MAPK6: variants seen among roughly 807,000 people sequenced by gnomAD.
MAPK6 encodes the protein ERK-3.
MAPK6 carries 19 observed loss-of-function variants against 59.3 expected under a neutral mutation model. The observed-to-expected ratio is 0.32, with a 90% confidence interval of 0.22 to 0.47. The LOEUF (loss-of-function observed/expected upper bound fraction) is 0.47. Ranked by LOEUF, MAPK6 falls within the 20% of genes least tolerant of loss-of-function variation. MAPK6 has a pLI of 1.00. For synonymous variants in MAPK6, 316 were observed against 290.3 expected (o/e 1.09, Z -0.90); for missense variants, 724 against 847.9 (o/e 0.85, Z 1.81).
chr15:52,045,512 T>G (rs1407026492), intron 1 of MAPK6, among the ~76,000 whole-genome samples: 1 of 152,210 alleles, frequency 6.6e-6, no homozygotes, highest in Non-Finnish European at 1.5e-5. Context: ...GTTTTACCCC[T>G]CACAAAACTC....
Position 52,004,601 on chromosome 15 carries a change from A to G in MAPK6, c.-632+199A>G, listed in dbSNP as rs960532543. On this transcript the variant is annotated intron_variant, in intron 3 of 7. Transcript: ENST00000691380. ...TGGCTCACAGTTGTGGAGGCTGGGA[A>G]GTCTAAGAGGGGACAGTATCTAATG... is the stretch of plus-strand genomic sequence containing the variant. Among the ~76,000 whole-genome samples, 25 of 152,298 alleles carry G rather than the reference A, an allele frequency of 1.6e-4. No homozygotes were observed. In the South Asian group the frequency reaches 1.9e-3, roughly 11 times the overall value.
At chr15:52,022,596 G>C (rs1212912450) in intron 1 of MAPK6, among the ~76,000 whole-genome samples, 2 of 151,712 alleles carry the variant, frequency 1.3e-5, no homozygotes, top group Non-Finnish European at 2.9e-5. Context: ...TTAAATTTTT[G>C]GAACTATTTT....
chr15:52,019,146 G>A (rs2030376796), upstream of MAPK6: 2 of 152,224 alleles, frequency 1.3e-5, no homozygotes, highest in African/African-American at 2.4e-5. Flanking sequence ...GCGCTGGGCA[G>A]GGCGGGGGCG....
At chr15:52,025,702 C>T (rs1346631946) in intron 1 of MAPK6, among the ~76,000 whole-genome samples, 1 of 152,070 alleles carries the variant, frequency 6.6e-6, no homozygotes, top group African/African-American at 2.4e-5. Flanking sequence ...GAGGCTGAGG[C>T]AGGAGAATGG....
At chr15:52,008,688 G>A (rs1309297765) in intron 3 of MAPK6, among the ~76,000 whole-genome samples, 4 of 152,310 alleles carry the variant, frequency 2.6e-5, no homozygotes, top group African/African-American at 4.8e-5. Flanking sequence ...AACCAAGCAT[G>A]GGGTCCTTTT....
intron 2 of MAPK6, among the ~76,000 whole-genome samples, chr15:51,985,815 C>A (rs1424917820): frequency 6.6e-6 from 1 of 150,702 alleles, no homozygotes; most frequent in Non-Finnish European, 1.5e-5. Flanking sequence ...AAAATTAGCC[C>A]GGCATGGTGG....
Position 51,978,279 on chromosome 15 carries a change from C to T in MAPK6, c.-879-4927C>T, listed in dbSNP as rs1595955819. ...TCCCGACTAGCTGGGCTTAGAGGCACACACCACCATACCCAGCTAATTTTT... is the reference window on the plus strand; with the variant it reads ...TCCCGACTAGCTGGGCTTAGAGGCATACACCACCATACCCAGCTAATTTTT... On this transcript the variant is annotated intron_variant, in intron 1 of 7. Transcript: ENST00000691380. 7.2e-5 allele frequency among the ~76,000 whole-genome samples: 11 copies of T among 151,830 alleles called. 1 individual carries two copies. In the South Asian group the frequency reaches 2.3e-3, roughly 32 times the overall value.
chr15:52,041,604 GT>G (rs773289432), intron 1 of MAPK6, among the ~76,000 whole-genome samples: 1 of 152,218 alleles, frequency 6.6e-6, no homozygotes, highest in Non-Finnish European at 1.5e-5. Flanking sequence ...GTCCAACTGA[GT>G]TTTATATATG....
At chr15:51,981,798 G>A (rs1051168709) in intron 1 of MAPK6, among the ~76,000 whole-genome samples, 3 of 152,118 alleles carry the variant, frequency 2.0e-5, no homozygotes, top group African/African-American at 4.8e-5. Context: ...GGAGGATGGG[G>A]TACGGAGGGT....
chr15:51,982,408 A>G (rs903712472), intron 1 of MAPK6, among the ~76,000 whole-genome samples: 2 of 152,356 alleles, frequency 1.3e-5, no homozygotes, highest in East Asian at 3.9e-4. Flanking sequence ...TGCAGTATTA[A>G]CATCCTTAAC....
At chr15:51,983,212 C>T (rs2057179895) in exon 2 of MAPK6, among the ~76,000 whole-genome samples, 2 of 151,984 alleles carry the variant, frequency 1.3e-5, no homozygotes, top group South Asian at 2.1e-4. Flanking sequence ...TTAGGTTGGG[C>T]GTGGTGCCTC....
Position 52,064,835 on chromosome 15 carries a change from G to C in MAPK6, c.2001G>C (p.Glu667Asp). 6.2e-7 allele frequency: 1 copy of C among 1,611,988 alleles called. No individual in the cohort carries two copies. The highest frequency in any genetic ancestry group is 8.5e-7 in the Non-Finnish European group (1 of 1,179,838). The change falls in exon 6 of 6, where the codon GAG becomes GAC. Residue 667 changes from glutamate to aspartate, a missense_variant. Physicochemically the swap from Glu to Asp is conservative, Grantham distance 45. Coordinates refer to ENST00000261845, the MANE Select transcript of MAPK6 (RefSeq NM_002748.4). ...HEEGFLNNSG[E>D]FLFNKQLESI... ...AAGGATTTCTGAACAACAGTGGGGA[G>C]TTCCTCTTTAACAAGCAGCTCGAGT...
intron 1 of MAPK6, among the ~76,000 whole-genome samples, chr15:52,044,980 T>G (rs2031554431): frequency 6.7e-6 from 1 of 149,678 alleles, no homozygotes; most frequent in African/African-American, 2.5e-5. Flanking sequence ...CAAAAAAAAC[T>G]ATTTTGCATG....
Position 52,066,632 on chromosome 15 carries a change from TCAA to T in MAPK6, c.*1637_*1639del, listed in dbSNP as rs1566917838. The T allele has an allele frequency of 6.6e-6, 1 of 150,886 alleles. No homozygotes were observed. Among genetic ancestry groups the T allele is most frequent in the South Asian group, 2.1e-4 (1 of 4,770 alleles). The allele number at this position is 150,886 out of a possible 1,614,324, so 9.3% of individuals were successfully genotyped here. On this transcript the variant is annotated 3_prime_UTR_variant, in exon 6 of 6. Coordinates refer to ENST00000261845, the MANE Select transcript of MAPK6 (RefSeq NM_002748.4). The stretch of plus-strand genomic sequence containing the variant: ...TATTAATATCTGCCCACCTACCTTC[TCAA>T]CAACTCCATCCTCTTCACCTCACTT...
In MAPK6 at chr15:51,973,151, C is replaced by CTTAA. The variant is rs558824118; in HGVS notation, c.-880+1246_-880+1249dup. On this transcript the variant is annotated intron_variant, in intron 1 of 7. Transcript: ENST00000691380. The stretch of plus-strand genomic sequence containing the variant: ...TATATTTTTGTAGTAAACTTCAGTG[C>CTTAA]TTAACAGGGTCCAAATGGGTGGGAC... Among the ~76,000 whole-genome samples, 703 of 151,950 alleles carry CTTAA rather than the reference C, an allele frequency of 4.6e-3. 7 individuals are homozygous for CTTAA. Among genetic ancestry groups the CTTAA allele is most frequent in the African/African-American group, 0.016 (680 of 41,526 alleles).
intron 1 of MAPK6, among the ~76,000 whole-genome samples, chr15:52,044,937 T>C (rs1465101730): frequency 6.6e-6 from 1 of 150,798 alleles, no homozygotes; most frequent in Non-Finnish European, 1.5e-5. Context: ...TTTTTTTTTT[T>C]TTTTTAGTTT....
At chr15:52,013,169 C>T (rs1211936230) in intron 3 of MAPK6, among the ~76,000 whole-genome samples, 2 of 150,196 alleles carry the variant, frequency 1.3e-5, no homozygotes, top group Non-Finnish European at 3.0e-5. Flanking sequence ...AATCTAAACC[C>T]ACATCACTCC....
At chr15:52,031,103 G>A (rs1406423429) in intron 1 of MAPK6, among the ~76,000 whole-genome samples, 18 of 151,818 alleles carry the variant, frequency 1.2e-4, no homozygotes, top group Admixed American at 8.5e-4. Context: ...CTTAATTTTT[G>A]TATTTTTAGT....
chr15:52,029,027 C>T (rs546597791), intron 1 of MAPK6, among the ~76,000 whole-genome samples: 1 of 152,266 alleles, frequency 6.6e-6, no homozygotes, highest in South Asian at 2.1e-4. Flanking sequence ...TACTTTACAC[C>T]TTGTTATACT....
Sources: allele counts gnomAD v4.1 joint callset (sites outside exome capture counted in the v4.1 genomes callset), GRCh38; gene constraint gnomAD v4.1.1; transcripts MANE v1.5; gene names NCBI Gene and HGNC (gene_info 2026-07-23, HGNC 2026-07-21).